The following SCAMP4 variants were observed in gnomAD, a reference collection of about 807,000 sequenced individuals.
SCAMP4 encodes secretory carrier membrane protein 4, also known as secretory carrier-associated membrane protein 4.
In SCAMP4, 19 loss-of-function variants were observed where a neutral mutation model predicts 32.1. The observed-to-expected ratio is 0.59, with a 90% CI of 0.41 to 0.87. The LOEUF (loss-of-function observed/expected upper bound fraction) is 0.87, where lower values mean the gene tolerates loss of function less well. Ranked by LOEUF, SCAMP4 falls within the 40% of genes least tolerant of loss-of-function variation. The pLI is 0.00. For synonymous variants in SCAMP4, 152 were observed against 132.7 expected (o/e 1.15, Z -1.00); for missense variants, 302 against 309.0 (o/e 0.98, Z 0.17).
Position 1,924,600 on chromosome 19 carries a change from G to A in SCAMP4, c.*316G>A, listed in dbSNP as rs985273068. The A allele has an allele frequency of 5.4e-5, 19 of 354,050 alleles. No homozygotes were observed. The highest frequency in any genetic ancestry group is 1.7e-4 in the South Asian group (5 of 29,702). 21.9% of individuals were successfully genotyped at this position (354,050 alleles called of 1,614,324 possible). A position where few individuals can be genotyped will look rare whatever the true frequency, so the allele number is the denominator to read the frequency against. On this transcript the variant is annotated 3_prime_UTR_variant, in exon 7 of 7. Transcript: ENST00000316097. ...TGGTACGGCCTTGTCTTCAGGTCTC[G>A]AGGCCTGACTCCGGGGGACAGGTGG...
chr19:1,922,995 G>GAGGACCATGGGC (rs988338384), intron 5 of SCAMP4, 75 bp from the exon 6 acceptor site: 24 of 1,437,180 alleles, frequency 1.7e-5, no homozygotes, highest in African/African-American at 1.3e-4. Context: ...TTTACATGGG[G>GAGGACCATGGGC]AGGACCATGG....
chr19:1,917,632 G>A, intron 2 of SCAMP4, 62 bp from the exon 3 acceptor site: 4 of 1,602,698 alleles, frequency 2.5e-6, no homozygotes, highest in Admixed American at 1.7e-5. Flanking sequence ...TCGAAGGGAT[G>A]AGGTGGGGCC....
intron 1 of SCAMP4, chr19:1,913,434 C>G: frequency 3.6e-6 from 2 of 548,856 alleles, no homozygotes; most frequent in Non-Finnish European, 6.6e-6. Flanking sequence ...GGAAAATAAA[C>G]AGCCCAAAAC....
chr19:1,912,298 C>T (rs746742994), intron 1 of SCAMP4: 2 of 1,564,890 alleles, frequency 1.3e-6, no homozygotes, highest in Non-Finnish European at 8.6e-7. Flanking sequence ...GCCCTGCACC[C>T]GCTCCCCGCC....
At chr19:1,911,846 T>C in intron 1 of SCAMP4, 1 of 481,838 alleles carries the variant, frequency 2.1e-6, no homozygotes, top group Non-Finnish European at 3.4e-6. Context: ...AATTATATCT[T>C]CGTTTTTAAA....
intron 1 of SCAMP4, chr19:1,905,845 C>A (rs2145417612): frequency 6.6e-6 from 1 of 152,514 alleles, no homozygotes; most frequent in East Asian, 1.9e-4. Context: ...CGTCCTTCCT[C>A]CCCAGCTCTG....
chr19:1,916,518 G>T (rs959417795), intron 2 of SCAMP4, among the ~76,000 whole-genome samples: 17 of 152,174 alleles, frequency 1.1e-4, no homozygotes, highest in Admixed American at 3.3e-4. Context: ...GAGTGCAGTG[G>T]TGTGATCATA....
intron 2 of SCAMP4, 125 bp downstream of exon 2, chr19:1,915,151 C>A (rs1828599607): frequency 3.5e-6 from 4 of 1,135,752 alleles, no homozygotes; most frequent in South Asian, 2.5e-5. Context: ...TGGCCTCTGA[C>A]TCCTCGGGTC....
At chr19:1,921,925 C>G (rs114371991) in intron 5 of SCAMP4, 35 of 985,350 alleles carry the variant, frequency 3.6e-5, no homozygotes, top group Non-Finnish European at 4.1e-5. Flanking sequence ...AGGGACGCGG[C>G]GGGGGGTACC....
intron 1 of SCAMP4, among the ~76,000 whole-genome samples, chr19:1,913,734 G>A (rs931576960): frequency 2.6e-5 from 4 of 152,226 alleles, no homozygotes; most frequent in African/African-American, 9.6e-5. Context: ...TTCACAAGTG[G>A]CAACAGGGGA....
chr19:1,908,345 A>C lies in SCAMP4; in HGVS notation c.-42+2906A>C. On this transcript the variant is annotated intron_variant, in intron 1 of 6. Coordinates refer to ENST00000316097, the MANE Select transcript of SCAMP4 (RefSeq NM_079834.4). The surrounding 1 kb of genome is among the most constrained non-coding windows in gnomAD (Gnocchi z 4.2). ...CCGCTTCAGCGTGACCTCCAAGGCC[A>C]CTGGCCTGGAGTTCCACTGGCTGCT... 1 of 374,124 alleles carries C rather than the reference A, an allele frequency of 2.7e-6. No homozygotes were observed. Among genetic ancestry groups the C allele is most frequent in the Admixed American group, 3.4e-5 (1 of 29,368 alleles). The allele number at this position is 374,124 out of a possible 1,614,324, so 23.2% of individuals were successfully genotyped here. A position where few individuals can be genotyped will look rare whatever the true frequency, so the allele number is the denominator to read the frequency against.
intron 2 of SCAMP4, 39 bp from the exon 3 acceptor site, chr19:1,917,655 C>CA (rs1219777380): frequency 8.1e-6 from 13 of 1,612,926 alleles, no homozygotes; most frequent in Non-Finnish European, 1.1e-5. Context: ...CTTCAAGAGA[C>CA]AAAGTCTGGT....
At chr19:1,921,104 T>C (rs1262857765) in intron 5 of SCAMP4, 1 of 985,402 alleles carries the variant, frequency 1.0e-6, no homozygotes, top group East Asian at 1.1e-4. Flanking sequence ...AGCGACTTCA[T>C]GTCCACCGTT....
intron 4 of SCAMP4, among the ~76,000 whole-genome samples, chr19:1,918,490 A>G (rs1375259684): frequency 6.6e-6 from 1 of 152,208 alleles, no homozygotes; most frequent in Non-Finnish European, 1.5e-5. Context: ...GGCTGGGTGC[A>G]GTGGCTCAGG....
In SCAMP4 at chr19:1,923,871, C is replaced by T. The variant is rs894705194; in HGVS notation, c.514-237C>T. ...CAATCTCCTGACCTCGTGATCCTCC[C>T]GCCTCGGCCTCCCGAAGTGCTGGGA... On this transcript the variant is annotated intron_variant, in intron 6 of 6. Coordinates refer to ENST00000316097, the MANE Select transcript of SCAMP4 (RefSeq NM_079834.4). Among the ~76,000 whole-genome samples the T allele has an allele frequency of 1.9e-4, 22 of 114,926 alleles. 2 individuals are homozygous for T. The highest frequency in any genetic ancestry group is 3.9e-4 in the East Asian group (1 of 2,554). The allele number at this position is 114,926 out of a possible 152,430, so 75.4% of individuals were successfully genotyped here. A position where few individuals can be genotyped will look rare whatever the true frequency, so the allele number is the denominator to read the frequency against.
intron 5 of SCAMP4, chr19:1,922,829 T>G: frequency 1.6e-6 from 2 of 1,221,806 alleles, no homozygotes; most frequent in Non-Finnish European, 2.0e-6. Context: ...CGTCGAAGTT[T>G]GTGTCCACTG....
rs763864469 is a variant in SCAMP4, at chr19:1,912,839, C to T, written c.-41-2140C>T. 1.9e-6 allele frequency: 3 copies of T among 1,594,542 alleles called. No individual in the cohort carries two copies. In the East Asian group the frequency reaches 6.7e-5, roughly 36 times the overall value. ...CCTACGACTTCAGACCCTTCCCCGC[C>T]TGCTCCTTCGCCCCGGCCGCTGCCC... On this transcript the variant is annotated intron_variant, in intron 1 of 6. Transcript: ENST00000316097.
intron 2 of SCAMP4, 61 bp downstream of exon 2, chr19:1,915,087 C>T: frequency 5.0e-6 from 8 of 1,601,826 alleles, no homozygotes; most frequent in Non-Finnish European, 6.8e-6. Context: ...GCCAGCAGTT[C>T]CCACAGGAGC....
At chr19:1,921,444 G>A (rs1379729040) in intron 5 of SCAMP4, 2 of 985,316 alleles carry the variant, frequency 2.0e-6, no homozygotes, top group South Asian at 4.7e-5. Flanking sequence ...AGGACACGGT[G>A]CAGCAGGGGC....
Sources: allele counts gnomAD v4.1 joint callset (sites outside exome capture counted in the v4.1 genomes callset), GRCh38; gene constraint gnomAD v4.1.1; non-coding constraint Gnocchi (gnomAD v3.1); transcripts MANE v1.5; gene names NCBI Gene and HGNC (gene_info 2026-07-23, HGNC 2026-07-21).